ANO2: variants seen among roughly 807,000 people sequenced by gnomAD.
The protein encoded by ANO2 is anoctamin-2.
In ANO2, 101 loss-of-function variants were observed where a neutral mutation model predicts 124.2. That is an observed-to-expected ratio of 0.81 (90% CI 0.69 to 0.96). The LOEUF is 0.96. Among genes scored for constraint, ANO2 ranks in the 40% least tolerant of loss-of-function variants. The pLI is 0.00. For synonymous variants in ANO2, 486 were observed against 482.5 expected, an observed-to-expected ratio of 1.01 and a Z score of -0.09; for missense variants, 1,293 against 1,274.5, an observed-to-expected ratio of 1.01 and a Z score of -0.22.
chr12:5,599,482 A>T lies in ANO2; in HGVS notation c.2233+2T>A. ...GTGGAAGGCAGGACCATGGGTTCTC[A>T]CTCATTTCCATGTACTCCGGAGTCA... On this transcript the variant is annotated splice_donor_variant, in intron 20 of 24. Coordinates refer to ENST00000682330, the MANE Select transcript of ANO2 (RefSeq NM_001364791.2). LOFTEE classifies it high-confidence loss of function. 6.2e-7 allele frequency: 1 copy of T among 1,600,940 alleles called. No individual in the cohort carries two copies. Among genetic ancestry groups the T allele is most frequent in the Non-Finnish European group, 8.5e-7 (1 of 1,176,500 alleles).
At chr12:5,858,276 C>A (rs1489319701) in intron 3 of ANO2, among the ~76,000 whole-genome samples, 9 of 152,158 alleles carry the variant, frequency 5.9e-5, no homozygotes, top group Non-Finnish European at 1.2e-4. Context: ...ATCAAAATAC[C>A]ACTCTGTATC....
intron 1 of ANO2, among the ~76,000 whole-genome samples, chr12:5,941,511 C>G (rs918432582): frequency 6.6e-5 from 10 of 150,900 alleles, no homozygotes; most frequent in South Asian, 2.1e-4. Context: ...GACTGGAGTT[C>G]CACAAAAAGA....
intron 10 of ANO2, among the ~76,000 whole-genome samples, chr12:5,799,147 C>T (rs1952960809): frequency 6.6e-6 from 1 of 152,224 alleles, no homozygotes; most frequent in Admixed American, 6.5e-5. Flanking sequence ...GGCACTTGGG[C>T]ATAACCCAAC....
intron 14 of ANO2, among the ~76,000 whole-genome samples, chr12:5,710,188 G>T (rs955040369): frequency 2.2e-4 from 33 of 152,336 alleles, no homozygotes; most frequent in Admixed American, 6.5e-4. Flanking sequence ...TGGGCCAATT[G>T]GTAAGAGGTG....
chr12:5,901,900 C>T (rs1940239533), intron 3 of ANO2, among the ~76,000 whole-genome samples: 2 of 152,202 alleles, frequency 1.3e-5, no homozygotes, highest in African/African-American at 4.8e-5. Flanking sequence ...GTACATTAGA[C>T]TCCGAGGGGC....
chr12:5,821,637 C>A (rs1953801716), intron 7 of ANO2, among the ~76,000 whole-genome samples: 1 of 152,242 alleles, frequency 6.6e-6, no homozygotes, highest in South Asian at 2.1e-4. Context: ...CCATCTTCTG[C>A]AGATAACTGC....
intron 15 of ANO2, among the ~76,000 whole-genome samples, chr12:5,637,202 G>C (rs956108667): frequency 6.6e-6 from 1 of 152,070 alleles, no homozygotes; most frequent in African/African-American, 2.4e-5. Context: ...CATTTCTCTG[G>C]GATTGTCACT....
chr12:5,682,549 C>A (rs1272107938), intron 14 of ANO2, among the ~76,000 whole-genome samples: 1 of 152,164 alleles, frequency 6.6e-6, no homozygotes, highest in Non-Finnish European at 1.5e-5. Context: ...AGAGCTCCTG[C>A]AGTTCATGCT....
In ANO2 at chr12:5,769,622, T is replaced by C. The variant is rs1333690083; in HGVS notation, c.1056-18652A>G. On this transcript the variant is annotated intron_variant, in intron 10 of 24. Coordinates refer to ENST00000682330, the MANE Select transcript of ANO2 (RefSeq NM_001364791.2). The surrounding 1 kb of genome is among the most constrained non-coding windows in gnomAD (Gnocchi z 4.0). The stretch of plus-strand genomic sequence containing the variant: ...CCAGGTCTCCCTACCTACCTGTACA[T>C]TCCTATCCGTGGGTGGTGGATGGAC... 6.6e-6 allele frequency among the ~76,000 whole-genome samples: 1 copy of C among 152,186 alleles called. No individual in the cohort carries two copies. Among genetic ancestry groups the C allele is most frequent in the Non-Finnish European group, 1.5e-5 (1 of 68,026 alleles).
chr12:5,672,223 C>T (rs1948043617), intron 14 of ANO2, among the ~76,000 whole-genome samples: 1 of 152,178 alleles, frequency 6.6e-6, no homozygotes, highest in African/African-American at 2.4e-5. Context: ...AACCCAAAGC[C>T]ATGCTCCCTA....
At chr12:5,757,423 T>C (rs1438335668) in intron 10 of ANO2, among the ~76,000 whole-genome samples, 1 of 152,212 alleles carries the variant, frequency 6.6e-6, no homozygotes, top group African/African-American at 2.4e-5. Flanking sequence ...TAGATAAATA[T>C]TGACTATGGA....
At chr12:5,634,598 C>T (rs779152172) in intron 16 of ANO2, among the ~76,000 whole-genome samples, 9 of 152,226 alleles carry the variant, frequency 5.9e-5, no homozygotes, top group Non-Finnish European at 1.3e-4. Flanking sequence ...ATATTGAGGC[C>T]GTTGCATTTT....
intron 14 of ANO2, among the ~76,000 whole-genome samples, chr12:5,698,698 A>T (rs576434095): frequency 6.6e-6 from 1 of 152,348 alleles, no homozygotes; most frequent in South Asian, 2.1e-4. Context: ...AAAACCTTGA[A>T]AAAAGACTAG....
chr12:5,931,083 C>T (rs1403447100), intron 1 of ANO2, among the ~76,000 whole-genome samples: 1 of 152,190 alleles, frequency 6.6e-6, no homozygotes, highest in East Asian at 1.9e-4. Flanking sequence ...ACCACAGCTA[C>T]TATTACCATT....
intron 14 of ANO2, among the ~76,000 whole-genome samples, chr12:5,699,910 C>G (rs1949335364): frequency 6.6e-6 from 1 of 152,178 alleles, no homozygotes; most frequent in Admixed American, 6.5e-5. Flanking sequence ...TATATATGCA[C>G]CCAATACAGG....
intron 4 of ANO2, among the ~76,000 whole-genome samples, chr12:5,849,608 C>A (rs1447598343): frequency 6.6e-6 from 1 of 152,180 alleles, no homozygotes; most frequent in Admixed American, 6.5e-5. Context: ...ACAAATGCTT[C>A]CTTCCAAGAT....
At chr12:5,668,395 G>GTTTTTTTTTTTTTTTTTTTTTTTTTT (rs539092061) in intron 14 of ANO2, among the ~76,000 whole-genome samples, 1 of 149,110 alleles carries the variant, frequency 6.7e-6, no homozygotes, top group African/African-American at 2.5e-5. Context: ...ACTTTTTAAT[G>GTTTTTTTTTTTTTTTTTTTTTTTTTT]TTTTTTTTTT....
intron 14 of ANO2, among the ~76,000 whole-genome samples, chr12:5,701,728 T>C (rs765551924): frequency 2.6e-5 from 4 of 152,216 alleles, no homozygotes; most frequent in Non-Finnish European, 5.9e-5. Context: ...ACGGGTGTCA[T>C]TGAAGTCACA....
At position 5,610,665 on chromosome 12, in the gene ANO2, T is replaced by C. The variant is rs1267176051; in HGVS notation, c.2087+1991A>G. 2.1e-5 allele frequency among the ~76,000 whole-genome samples: 3 copies of C among 141,168 alleles called. No individual in the cohort carries two copies. In the East Asian group the frequency reaches 6.0e-4, roughly 28 times the overall value. 92.6% of individuals were successfully genotyped at this position (141,168 alleles called of 152,430 possible). ...TTTATATATAAATCTCTGACCAGGG[T>C]CTTGGGGCATGTCAGGAACCTGGCA... On this transcript the variant is annotated intron_variant, in intron 19 of 24. Transcript: ENST00000682330.
Sources: gnomAD v4.1 joint callset for allele counts (sites outside exome capture counted in the v4.1 genomes callset) on GRCh38, gnomAD v4.1.1 for gene constraint, Gnocchi (gnomAD v3.1) non-coding constraint, MANE v1.5 for transcripts, NCBI Gene and HGNC (gene_info 2026-07-23, HGNC 2026-07-21) for gene names.